Variants in ADAMTSL1 observed in about 807,000 individuals in gnomAD.
ADAMTSL1 encodes ADAMTS-like protein 1.
A neutral mutation model predicts 201.8 loss-of-function variants in ADAMTSL1; 126 were observed. That is an observed-to-expected ratio of 0.62 (90% CI 0.54 to 0.72). ADAMTSL1 has a LOEUF of 0.72. Ranked by LOEUF, ADAMTSL1 falls within the 30% of genes least tolerant of loss-of-function variation. The probability of loss-of-function intolerance (pLI) is 0.00; values close to 1 mark genes in which losing one functional copy is unlikely to be tolerated. For synonymous variants in ADAMTSL1, 1,121 were observed against 903.4 expected (o/e 1.24, Z -4.32); for missense variants, 2,679 against 2,277.8 (o/e 1.18, Z -3.59).
chr9:18,796,964 T>C (rs529802949), intron 20 of ADAMTSL1, among the ~76,000 whole-genome samples: 156 of 152,334 alleles, frequency 1.0e-3, no homozygotes, highest in Non-Finnish European at 1.5e-3. Flanking sequence ...TTCAGCTCTA[T>C]CACAGACTAA....
At chr9:18,493,346 G>A (rs1167463152) in intron 1 of ADAMTSL1, among the ~76,000 whole-genome samples, 2 of 152,120 alleles carry the variant, frequency 1.3e-5, no homozygotes, top group African/African-American at 4.8e-5. Flanking sequence ...GATTTAATAA[G>A]TATTCTTTAC....
chr9:18,756,783 G>A (rs542441111), intron 16 of ADAMTSL1, among the ~76,000 whole-genome samples: 1 of 152,202 alleles, frequency 6.6e-6, no homozygotes, highest in East Asian at 1.9e-4. Context: ...GACATTGCCC[G>A]TTTGAGGGGA....
chr9:18,347,928 A>G (rs1835794444), intron 2 of ADAMTSL1, among the ~76,000 whole-genome samples: 1 of 152,194 alleles, frequency 6.6e-6, no homozygotes, highest in African/African-American at 2.4e-5. Flanking sequence ...AACAGAGGTG[A>G]CCTGGAAAGA....
In ADAMTSL1 at chr9:18,763,604, G is replaced by C. The variant is rs561347351; in HGVS notation, c.2218-6998G>C. Among the ~76,000 whole-genome samples the C allele has an allele frequency of 4.6e-5, 7 of 152,102 alleles. No individual in the cohort carries two copies. The South Asian group carries it at 6.2e-4, about 14-fold the overall frequency. Reference sequence around the variant, plus strand: ...ATTCCCCCAATTTTTTTTTGTAGTAGCCTCTTTGTTTGAGGTCTTAGATTT... The same window carrying C: ...ATTCCCCCAATTTTTTTTTGTAGTACCCTCTTTGTTTGAGGTCTTAGATTT... On this transcript the variant is annotated intron_variant, in intron 16 of 28. Transcript: ENST00000380548.
intron 19 of ADAMTSL1, among the ~76,000 whole-genome samples, chr9:18,791,833 C>G (rs896074827): frequency 1.3e-5 from 2 of 152,186 alleles, no homozygotes; most frequent in African/African-American, 4.8e-5. Flanking sequence ...TGCCGCTACT[C>G]CTATTCTAGT....
At chr9:18,620,956 A>T (rs1826001057) in intron 4 of ADAMTSL1, among the ~76,000 whole-genome samples, 1 of 152,232 alleles carries the variant, frequency 6.6e-6, no homozygotes, top group Admixed American at 6.5e-5. Context: ...TTAAACCTTC[A>T]TCTAAACATG....
intron 1 of ADAMTSL1, among the ~76,000 whole-genome samples, chr9:18,064,315 G>A (rs888830599): frequency 2.0e-5 from 3 of 152,122 alleles, no homozygotes; most frequent in South Asian, 2.1e-4. Context: ...CCTCCATCTC[G>A]GATGATTCTC....
chr9:18,038,255 T>C (rs1208188363), intron 1 of ADAMTSL1, among the ~76,000 whole-genome samples: 2 of 152,144 alleles, frequency 1.3e-5, no homozygotes, highest in African/African-American at 4.8e-5. Context: ...GGCAGCAGCT[T>C]GGGAACATTT....
intron 2 of ADAMTSL1, among the ~76,000 whole-genome samples, chr9:18,339,558 G>T (rs745953845): frequency 6.6e-6 from 1 of 152,108 alleles, no homozygotes; most frequent in East Asian, 1.9e-4. Flanking sequence ...ATTTCTCAAA[G>T]AATTTAAAAC....
chr9:18,841,323 A>G (rs1825702359), intron 23 of ADAMTSL1, among the ~76,000 whole-genome samples: 1 of 152,054 alleles, frequency 6.6e-6, no homozygotes, highest in African/African-American at 2.4e-5. Context: ...GGTTCTGTTT[A>G]TATGCTGGAT....
chr9:18,714,939 T>C (rs1458330209), intron 14 of ADAMTSL1, among the ~76,000 whole-genome samples: 1 of 147,912 alleles, frequency 6.8e-6, no homozygotes, highest in Non-Finnish European at 1.5e-5. Flanking sequence ...CAAGGCTGGT[T>C]CAATATATGC....
At chr9:18,344,557 C>T (rs1282239978) in intron 2 of ADAMTSL1, among the ~76,000 whole-genome samples, 4 of 152,102 alleles carry the variant, frequency 2.6e-5, no homozygotes, top group Admixed American at 6.6e-5. Context: ...CACAAATAGG[C>T]TCTTGTTGAT....
At chr9:18,637,065 A>G (rs1290892337) in intron 6 of ADAMTSL1, among the ~76,000 whole-genome samples, 3 of 146,834 alleles carry the variant, frequency 2.0e-5, no homozygotes, top group Non-Finnish European at 4.4e-5. Flanking sequence ...TTCTAGATAT[A>G]AAAATAAATA....
At chr9:17,913,003 T>C (rs1181816195) in intron 1 of ADAMTSL1, among the ~76,000 whole-genome samples, 4 of 152,160 alleles carry the variant, frequency 2.6e-5, no homozygotes, top group Admixed American at 6.5e-5. Flanking sequence ...TGTAGATATG[T>C]GGCGTTATTT....
chr9:18,555,749 C>T (rs1821071540), intron 3 of ADAMTSL1, among the ~76,000 whole-genome samples: 1 of 151,848 alleles, frequency 6.6e-6, no homozygotes, highest in African/African-American at 2.4e-5. Flanking sequence ...AAGAGGTGAC[C>T]ATATTGGATC....
chr9:18,200,362 T>G (rs1373003557), intron 2 of ADAMTSL1, among the ~76,000 whole-genome samples: 1 of 152,146 alleles, frequency 6.6e-6, no homozygotes, highest in East Asian at 1.9e-4. Context: ...TATACTCATT[T>G]GATTCTCTTT....
At chr9:18,653,009 G>T (rs574871722) in intron 7 of ADAMTSL1, among the ~76,000 whole-genome samples, 11 of 152,290 alleles carry the variant, frequency 7.2e-5, no homozygotes, top group Admixed American at 2.0e-4. Flanking sequence ...GTAAGTACTG[G>T]TTCATTTTCC....
chr9:18,543,332 G>A (rs1183885696), intron 3 of ADAMTSL1, among the ~76,000 whole-genome samples: 1 of 143,634 alleles, frequency 7.0e-6, no homozygotes, highest in African/African-American at 2.7e-5. Context: ...TAATTTCTCT[G>A]ATTTGACCCA....
intron 2 of ADAMTSL1, among the ~76,000 whole-genome samples, chr9:18,230,610 T>TA (rs1830612084): frequency 1.3e-5 from 2 of 152,102 alleles, no homozygotes; most frequent in African/African-American, 4.8e-5. Flanking sequence ...TCTGCCTTCC[T>TA]AAAATCTAGA....
Sources: gnomAD v4.1 joint callset for allele counts (sites outside exome capture counted in the v4.1 genomes callset) on GRCh38, gnomAD v4.1.1 for gene constraint, MANE v1.5 for transcripts, NCBI Gene and HGNC (gene_info 2026-07-23, HGNC 2026-07-21) for gene names.